Variants in FUT8 observed in about 807,000 individuals in gnomAD.
FUT8 encodes alpha-(1,6)-fucosyltransferase.
A neutral mutation model predicts 71.3 loss-of-function variants in FUT8; 29 were observed. That is an observed-to-expected ratio of 0.41 (90% CI 0.30 to 0.55). The LOEUF (loss-of-function observed/expected upper bound fraction) is 0.55, where lower values mean the gene tolerates loss of function less well. FUT8 is among the 20% of genes least tolerant of loss of function. FUT8 has a pLI of 0.34. For synonymous variants in FUT8, 254 were observed against 239.3 expected, an observed-to-expected ratio of 1.06 and a Z score of -0.57; for missense variants, 544 against 702.1, an observed-to-expected ratio of 0.77 and a Z score of 2.55.
chr14:65,660,447 A>G lies in FUT8; in HGVS notation c.598-8796A>G, dbSNP rs1273742163. Among the ~76,000 whole-genome samples, 2 of 152,184 alleles carry G rather than the reference A, an allele frequency of 1.3e-5. No individual in the cohort carries two copies. Among genetic ancestry groups the G allele is most frequent in the African/African-American group, 4.8e-5 (2 of 41,448 alleles). ...TTACCAAGATAAGCTTTCCTCTTCTATGACCATATAGTAACTATCTGCCTT... is the reference window on the plus strand; with the variant it reads ...TTACCAAGATAAGCTTTCCTCTTCTGTGACCATATAGTAACTATCTGCCTT... On this transcript the variant is annotated intron_variant, in intron 6 of 10. Coordinates refer to ENST00000673929, the MANE Select transcript of FUT8 (RefSeq NM_001371533.1). The surrounding 1 kb of genome is among the most constrained non-coding windows in gnomAD (Gnocchi z 4.1).
chr14:65,689,554 T>G (rs1426088951), intron 7 of FUT8, among the ~76,000 whole-genome samples: 2 of 152,144 alleles, frequency 1.3e-5, no homozygotes, highest in Non-Finnish European at 1.5e-5. Flanking sequence ...TTTTTTGTTT[T>G]TTGTTACAGA....
At chr14:65,496,003 A>G (rs1161990268) in intron 2 of FUT8, among the ~76,000 whole-genome samples, 1 of 152,184 alleles carries the variant, frequency 6.6e-6, no homozygotes, top group African/African-American at 2.4e-5. Flanking sequence ...ATTAATCATT[A>G]GGAACATAAT....
the FUT8 span, among the ~76,000 whole-genome samples, chr14:65,359,974 A>G: frequency 1.2e-4 from 19 of 152,162 alleles, no homozygotes; most frequent in Non-Finnish European, 2.6e-4. Flanking sequence ...CTGGGATTAC[A>G]GGCACACACC....
At chr14:65,429,606 G>A (rs1372604069) in intron 1 of FUT8, among the ~76,000 whole-genome samples, 2 of 152,088 alleles carry the variant, frequency 1.3e-5, no homozygotes, top group Admixed American at 1.3e-4. Flanking sequence ...CCTCATGCCT[G>A]TAATCACAGC....
intron 3 of FUT8, among the ~76,000 whole-genome samples, chr14:65,608,503 T>A (rs1276068906): frequency 2.0e-5 from 3 of 151,960 alleles, no homozygotes; most frequent in African/African-American, 7.2e-5. Flanking sequence ...AAGCAGTAAT[T>A]TACTGGTTTT....
chr14:65,370,503 C>G, the FUT8 span, among the ~76,000 whole-genome samples: 1 of 151,344 alleles, frequency 6.6e-6, no homozygotes, highest in Non-Finnish European at 1.5e-5. Flanking sequence ...CCATTGCGCC[C>G]GGCCACACGT....
chr14:65,713,880 C>T (rs1270158982), intron 7 of FUT8, among the ~76,000 whole-genome samples: 2 of 152,046 alleles, frequency 1.3e-5, no homozygotes, highest in Non-Finnish European at 2.9e-5. Context: ...TTGAGTCGGT[C>T]CCATTTGTCC....
At chr14:65,563,854 A>G (rs568395307) in intron 3 of FUT8, among the ~76,000 whole-genome samples, 239 of 152,076 alleles carry the variant, frequency 1.6e-3, no homozygotes, top group Non-Finnish European at 2.4e-3. Context: ...TTATATTCTT[A>G]TATGTTGAAA....
At chr14:65,475,207 A>G (rs1376433987) in intron 2 of FUT8, among the ~76,000 whole-genome samples, 1 of 152,182 alleles carries the variant, frequency 6.6e-6, no homozygotes, top group Non-Finnish European at 1.5e-5. Flanking sequence ...GAAACTGACA[A>G]TTTAGAAGGT....
intron 2 of FUT8, among the ~76,000 whole-genome samples, chr14:65,523,823 A>G (rs1401277479): frequency 2.6e-5 from 4 of 152,214 alleles, no homozygotes; most frequent in Non-Finnish European, 5.9e-5. Flanking sequence ...CCATTTATTA[A>G]ATAGGGAATC....
At chr14:65,580,070 T>TTATATATGTA (rs1555372886) in intron 3 of FUT8, among the ~76,000 whole-genome samples, 7 of 142,846 alleles carry the variant, frequency 4.9e-5, no homozygotes, top group African/African-American at 1.6e-4. Context: ...GTGCTATATT[T>TTATATATGTA]TATATATATA....
Position 65,726,435 on chromosome 14 carries a change from A to G in FUT8, c.1259+2112A>G, listed in dbSNP as rs148768897. Among the ~76,000 whole-genome samples the G allele has an allele frequency of 1.8e-3, 271 of 152,342 alleles. 3 individuals carry two copies. The East Asian group carries it at 0.034, about 19-fold the overall frequency. On this transcript the variant is annotated intron_variant, in intron 9 of 10. Transcript: ENST00000673929. The stretch of plus-strand genomic sequence containing the variant: ...TTCCACATCCCTGGTGGGGCTCACA[A>G]TCTTGGTAGAAGGTGAAAGGCAATT...
rs549604368 is a variant in FUT8 at position 65,728,423 on chromosome 14, G to T, written c.1259+4100G>T. On this transcript the variant is annotated intron_variant, in intron 9 of 10. Transcript: ENST00000673929. The stretch of plus-strand genomic sequence containing the variant: ...GACAAGAGAAGAGAGCTTGTGCAGG[G>T]AAACTCCTGTTTTTAAAACCATCGA... Among the ~76,000 whole-genome samples, 14 of 152,338 alleles carry T rather than the reference G, an allele frequency of 9.2e-5. No individual in the cohort carries two copies. The South Asian group carries it at 1.2e-3, about 14-fold the overall frequency.
rs935743383 is a variant in FUT8, at chr14:65,638,467, G to T, written c.597+8861G>T. Among the ~76,000 whole-genome samples the T allele has an allele frequency of 3.3e-5, 5 of 152,050 alleles. No individual in the cohort carries two copies. The East Asian group carries it at 7.7e-4, about 23-fold the overall frequency. On this transcript the variant is annotated intron_variant, in intron 6 of 10. Transcript: ENST00000673929. This position sits in a 1 kb window ranked among gnomAD's most constrained non-coding sequence, Gnocchi z 4.5. ...TTTTGAGAGAAAGAGAGGAAAAAAG[G>T]TGTGAAAATGGAAAACAACTATTTC...
intron 6 of FUT8, among the ~76,000 whole-genome samples, chr14:65,633,009 C>CCG (rs1555377616): frequency 6.9e-6 from 1 of 145,878 alleles, no homozygotes; most frequent in African/African-American, 2.6e-5. Context: ...TCCCCTCCCC[C>CCG]CCCCCGTCTC....
At chr14:65,702,603 C>T (rs1894359174) in intron 7 of FUT8, among the ~76,000 whole-genome samples, 1 of 152,108 alleles carries the variant, frequency 6.6e-6, no homozygotes, top group African/African-American at 2.4e-5. Context: ...GGCCCTTCAT[C>T]CCTGCCAGAA....
At chr14:65,691,115 G>T (rs1007475814) in intron 7 of FUT8, among the ~76,000 whole-genome samples, 2 of 151,048 alleles carry the variant, frequency 1.3e-5, no homozygotes, top group Admixed American at 6.6e-5. Flanking sequence ...TGGTTTTTTT[G>T]GGGGGTGGAG....
the FUT8 span, among the ~76,000 whole-genome samples, chr14:65,397,928 T>G: frequency 6.6e-6 from 1 of 152,236 alleles, no homozygotes; most frequent in African/African-American, 2.4e-5. The surrounding 1 kb of genome is among the most constrained non-coding windows in gnomAD (Gnocchi z 4.2). Flanking sequence ...ATTGGTTTCC[T>G]TATATGGCAT....
chr14:65,555,144 G>C (rs1209783703), intron 2 of FUT8, among the ~76,000 whole-genome samples: 2 of 152,146 alleles, frequency 1.3e-5, no homozygotes, highest in Non-Finnish European at 2.9e-5. Context: ...TAAAAATTAA[G>C]AAGTATATGT....
Sources: gnomAD v4.1 joint callset for allele counts (sites outside exome capture counted in the v4.1 genomes callset) on GRCh38, gnomAD v4.1.1 for gene constraint, Gnocchi (gnomAD v3.1) non-coding constraint, MANE v1.5 for transcripts, NCBI Gene and HGNC (gene_info 2026-07-23, HGNC 2026-07-21) for gene names.